GIGYF2: variants seen among roughly 807,000 people sequenced by gnomAD.
GIGYF2 encodes GRB10 interacting GYF protein 2.
Under a neutral mutation model 208.1 loss-of-function variants are expected in GIGYF2, and 25 were observed. The ratio of observed to expected loss-of-function variants is 0.12; its 90% CI spans 0.09 to 0.17. The LOEUF (loss-of-function observed/expected upper bound fraction) is 0.17, where lower values mean the gene tolerates loss of function less well. Among genes scored for constraint, GIGYF2 ranks in the 10% least tolerant of loss-of-function variants. The probability of loss-of-function intolerance (pLI) is 1.00; values close to 1 mark genes in which losing one functional copy is unlikely to be tolerated. For synonymous variants in GIGYF2, 534 were observed against 543.8 expected (o/e 0.98, Z 0.25); for missense variants, 1,302 against 1,579.4 (o/e 0.82, Z 2.98).
chr2:232,780,860 A>G (rs964102161), intron 8 of GIGYF2, among the ~76,000 whole-genome samples: 11 of 152,202 alleles, frequency 7.2e-5, no homozygotes, highest in Non-Finnish European at 1.6e-4. Flanking sequence ...CTCCGTTGCT[A>G]TGAATTGTTG....
intron 3 of GIGYF2, among the ~76,000 whole-genome samples, chr2:232,744,205 ACC>A (rs1163396203): frequency 6.6e-6 from 1 of 152,100 alleles, no homozygotes; most frequent in African/African-American, 2.4e-5. Context: ...GCATTGGAAA[ACC>A]ATTGGTGATC....
intron 28 of GIGYF2, among the ~76,000 whole-genome samples, chr2:232,851,633 T>C (rs1057400984): frequency 1.3e-5 from 2 of 152,186 alleles, no homozygotes; most frequent in Non-Finnish European, 2.9e-5. Context: ...TTGGCCAGGC[T>C]GGTCTTGAAC....
At chr2:232,845,055 G>A (rs545411345) in intron 25 of GIGYF2, among the ~76,000 whole-genome samples, 4 of 152,050 alleles carry the variant, frequency 2.6e-5, no homozygotes, top group Non-Finnish European at 5.9e-5. Flanking sequence ...ACGAGCATGG[G>A]TTTTAGTGTT....
At chr2:232,853,055 C>T (rs1269946201) in intron 28 of GIGYF2, among the ~76,000 whole-genome samples, 1 of 152,208 alleles carries the variant, frequency 6.6e-6, no homozygotes, top group Non-Finnish European at 1.5e-5. Context: ...AAAATTACTG[C>T]TCACCTAAAC....
intron 3 of GIGYF2, chr2:232,736,040 C>T (rs1697719156): frequency 1.0e-6 from 1 of 976,724 alleles, no homozygotes; most frequent in Non-Finnish European, 1.2e-6. Flanking sequence ...TGCAGACTTC[C>T]TGTAGTAACT....
At chr2:232,770,486 G>GA (rs1161780568) in intron 8 of GIGYF2, among the ~76,000 whole-genome samples, 5 of 151,630 alleles carry the variant, frequency 3.3e-5, no homozygotes, top group African/African-American at 4.8e-5. Context: ...GCTCAGTGAA[G>GA]AAAAAAAACC....
chr2:232,820,714 C>T (rs1428928595), intron 21 of GIGYF2, among the ~76,000 whole-genome samples: 1 of 152,054 alleles, frequency 6.6e-6, no homozygotes, highest in African/African-American at 2.4e-5. Context: ...TTTCCCACCA[C>T]CATTTATTAA....
intron 23 of GIGYF2, 120 bp downstream of exon 23, chr2:232,840,091 C>A: frequency 2.8e-6 from 3 of 1,059,842 alleles, no homozygotes; most frequent in Non-Finnish European, 2.8e-6. Context: ...CTGAATTGGA[C>A]GTTCATTATT....
At chr2:232,841,905 T>G (rs1701827635) in intron 23 of GIGYF2, among the ~76,000 whole-genome samples, 1 of 152,152 alleles carries the variant, frequency 6.6e-6, no homozygotes, top group Non-Finnish European at 1.5e-5. Flanking sequence ...CTGTTTTCCA[T>G]CTCTGTGCTT....
chr2:232,747,611 C>G lies in GIGYF2; in HGVS notation c.42-4C>G, dbSNP rs530654258. On this transcript the variant is annotated splice_region_variant and splice_polypyrimidine_tract_variant and intron_variant, in intron 3 of 28. Coordinates refer to ENST00000373563, the MANE Select transcript of GIGYF2 (RefSeq NM_001103146.3). ...TGACATATTCTCTGTCTTTTCTATT[C>G]TAGGCTCCGAGCTCTGTCCAGTGGT... The G allele has an allele frequency of 2.5e-6, 4 of 1,613,792 alleles. No homozygotes were observed. The highest frequency in any genetic ancestry group is 2.7e-5 in the African/African-American group (2 of 74,920).
chr2:232,811,446 C>A, intron 17 of GIGYF2, 95 bp downstream of exon 17: 1 of 774,364 alleles, frequency 1.3e-6, no homozygotes, highest in Non-Finnish European at 2.3e-6. Context: ...TGATTTCTGG[C>A]ACTGGAACAC....
chr2:232,726,238 C>G (rs140171172), intron 2 of GIGYF2, among the ~76,000 whole-genome samples: 1 of 151,848 alleles, frequency 6.6e-6, no homozygotes, highest in South Asian at 2.1e-4. Context: ...GTGTGGTGTT[C>G]GGCGCCTGTA....
rs1022672112 is a variant in GIGYF2 at position 232,778,876 on chromosome 2, C to A, written c.533-8274C>A. 2.0e-5 allele frequency among the ~76,000 whole-genome samples: 3 copies of A among 152,134 alleles called. No homozygotes were observed. In the East Asian group the frequency reaches 5.8e-4, roughly 29 times the overall value. On this transcript the variant is annotated intron_variant, in intron 8 of 28. Coordinates refer to ENST00000373563, the MANE Select transcript of GIGYF2 (RefSeq NM_001103146.3). ...TTGAAAATTAACTTGAGGAAGAACG[C>A]TACTAGACCTTTTAATCTCTTATGT...
chr2:232,704,856 A>ATTTTTTTTTTTTTTTTTTTTTTTT (rs10689292), intron 2 of GIGYF2, among the ~76,000 whole-genome samples: 1 of 101,958 alleles, frequency 9.8e-6, no homozygotes, highest in Non-Finnish European at 1.8e-5. Flanking sequence ...TAACTTCTGG[A>ATTTTTTTTTTTTTTTTTTTTTTTT]TTTTTTTTTT....
chr2:232,740,161 A>T (rs1027643610), intron 3 of GIGYF2, among the ~76,000 whole-genome samples: 1 of 152,046 alleles, frequency 6.6e-6, no homozygotes, highest in African/African-American at 2.4e-5. Context: ...ACTTTTGAGG[A>T]TCAAAAATCT....
intron 8 of GIGYF2, chr2:232,768,847 G>T: frequency 6.4e-7 from 1 of 1,563,790 alleles, no homozygotes; most frequent in Non-Finnish European, 8.7e-7. Flanking sequence ...TTTTTAGAAT[G>T]AAGACTTTAA....
intron 8 of GIGYF2, among the ~76,000 whole-genome samples, chr2:232,785,622 G>C (rs970200713): frequency 6.6e-6 from 1 of 152,204 alleles, no homozygotes; most frequent in Non-Finnish European, 1.5e-5. Flanking sequence ...ATTCCACAGA[G>C]ATCAGCAGTC....
intron 8 of GIGYF2, among the ~76,000 whole-genome samples, chr2:232,763,670 C>CA (rs1270424369): frequency 3.3e-5 from 5 of 150,382 alleles, no homozygotes; most frequent in South Asian, 2.1e-4. Context: ...ACTAAAAATA[C>CA]AAAAAAAAAT....
chr2:232,822,240 C>T (rs1336278287), intron 21 of GIGYF2, among the ~76,000 whole-genome samples: 1 of 152,170 alleles, frequency 6.6e-6, no homozygotes, highest in Non-Finnish European at 1.5e-5. Flanking sequence ...ACTGAGGCTT[C>T]CAGGCAATGA....
Sources: allele counts gnomAD v4.1 joint callset (sites outside exome capture counted in the v4.1 genomes callset), GRCh38; gene constraint gnomAD v4.1.1; transcripts MANE v1.5; gene names NCBI Gene and HGNC (gene_info 2026-07-23, HGNC 2026-07-21).